The following NEK4 variants were observed in gnomAD, a reference collection of about 807,000 sequenced individuals.
NEK4 encodes the protein NIMA related kinase 4, also known as serine/threonine-protein kinase Nek4.
In NEK4, 86 loss-of-function variants were observed where a neutral mutation model predicts 98.4. That is an observed-to-expected ratio of 0.87 (90% CI 0.73 to 1.05). The LOEUF (loss-of-function observed/expected upper bound fraction) is 1.05. Among genes scored for constraint, NEK4 ranks in the 50% least tolerant of loss-of-function variants. The pLI, the probability that NEK4 is intolerant of heterozygous loss-of-function variation, is 0.00. For missense variants in NEK4, 898 were observed against 950.3 expected (o/e 0.94, Z 0.72); for synonymous variants, 328 against 342.2 (o/e 0.96, Z 0.46).
In NEK4 at chr3:52,711,671, A is replaced by G; in HGVS notation, c.*106T>C. 2 of 690,844 alleles carry G rather than the reference A, an allele frequency of 2.9e-6. No homozygotes were observed. The highest frequency in any genetic ancestry group is 5.1e-5 in the East Asian group (2 of 39,154). 42.8% of individuals were successfully genotyped at this position (690,844 alleles called of 1,614,324 possible). ...CGCCAAAGAGATATAAAAAAGAGAT[A>G]TAAAACAGTGGTGAGTGGCTTCCAA... On this transcript the variant is annotated 3_prime_UTR_variant, in exon 16 of 16. Coordinates refer to ENST00000233027, the MANE Select transcript of NEK4 (RefSeq NM_003157.6).
At position 52,770,679 on chromosome 3, in the gene NEK4, A is replaced by G; in HGVS notation, c.68T>C (p.Val23Ala). Residue 23 changes from valine (V) to alanine (A), a missense_variant, in exon 1 of 16, where the codon GTG becomes GCG. Physicochemically the swap from Val to Ala is moderately conservative, Grantham distance 64. Transcript: ENST00000233027. ...GKGSYGEVTL[V>A]KHRRDGKQYV... ...CTGCTTGCCGTCCCGCCGGTGCTTC[A>G]CAAGCGTCACCTCTCCATAGCTCCC... The G allele has an allele frequency of 6.4e-7, 1 of 1,569,138 alleles. No homozygotes were observed. Among genetic ancestry groups the G allele is most frequent in the Non-Finnish European group, 8.6e-7 (1 of 1,158,480 alleles).
intron 15 of NEK4, among the ~76,000 whole-genome samples, chr3:52,727,555 G>C (rs893530030): frequency 1.3e-5 from 2 of 151,990 alleles, no homozygotes; most frequent in African/African-American, 4.8e-5. Flanking sequence ...GGCTCACTCC[G>C]ACCTCCACCT....
intron 15 of NEK4, among the ~76,000 whole-genome samples, chr3:52,718,290 T>C (rs1457804806): frequency 2.6e-5 from 4 of 151,102 alleles, no homozygotes; most frequent in Non-Finnish European, 3.0e-5. Flanking sequence ...CTGGCCAACA[T>C]GGTGAAACAC....
intron 2 of NEK4, among the ~76,000 whole-genome samples, chr3:52,768,105 G>A (rs1191576426): frequency 1.3e-5 from 2 of 152,210 alleles, no homozygotes; most frequent in African/African-American, 4.8e-5. Flanking sequence ...AATGGTAATT[G>A]AGTGGGCTTC....
At chr3:52,740,213 A>C (rs2097383293) in intron 13 of NEK4, among the ~76,000 whole-genome samples, 1 of 152,216 alleles carries the variant, frequency 6.6e-6, no homozygotes, top group African/African-American at 2.4e-5. Context: ...GAAGAGAAAG[A>C]AATCAGTTAA....
chr3:52,726,369 C>T (rs1003693919), intron 15 of NEK4, among the ~76,000 whole-genome samples: 2 of 152,050 alleles, frequency 1.3e-5, no homozygotes, highest in Non-Finnish European at 2.9e-5. Flanking sequence ...GAGGCTGAGG[C>T]AGGTGAATCA....
At chr3:52,716,353 G>T (rs887870931) in intron 15 of NEK4, among the ~76,000 whole-genome samples, 14 of 152,160 alleles carry the variant, frequency 9.2e-5, no homozygotes, top group African/African-American at 3.4e-4. Flanking sequence ...AATTATAAAG[G>T]AGTCACTCAT....
At position 52,770,909 on chromosome 3, in the gene NEK4, C is replaced by A. The variant is rs1477322983; in HGVS notation, c.-163G>T. 3 of 622,116 alleles carry A rather than the reference C, an allele frequency of 4.8e-6. No individual in the cohort carries two copies. Among genetic ancestry groups the A allele is most frequent in the Non-Finnish European group, 8.4e-6 (3 of 356,768 alleles). The allele number at this position is 622,116 out of a possible 1,614,324, so 38.5% of individuals were successfully genotyped here. A position where few individuals can be genotyped will look rare whatever the true frequency, so the allele number is the denominator to read the frequency against. ...TGGGGCCCGGCCCGCGACGACGCCG[C>A]TGCCATAGCGATCCGGGCCGGGAGC... On this transcript the variant is annotated 5_prime_UTR_variant, in exon 1 of 16. Transcript: ENST00000233027.
intron 4 of NEK4, among the ~76,000 whole-genome samples, chr3:52,765,328 G>A (rs1293715109): frequency 6.9e-6 from 1 of 145,052 alleles, no homozygotes; most frequent in Non-Finnish European, 1.5e-5. Flanking sequence ...TCCAGCCTGG[G>A]AGACAAGAGC....
chr3:52,711,668 G>GAT lies in NEK4; in HGVS notation c.*107_*108dup, dbSNP rs2097350518. ...AAACGCCAAAGAGATATAAAAAAGA[G>GAT]ATATAAAACAGTGGTGAGTGGCTTC... On this transcript the variant is annotated 3_prime_UTR_variant, in exon 16 of 16. Coordinates refer to ENST00000233027, the MANE Select transcript of NEK4 (RefSeq NM_003157.6). 4 of 674,744 alleles carry GAT rather than the reference G, an allele frequency of 5.9e-6. No individual in the cohort carries two copies. Among genetic ancestry groups the GAT allele is most frequent in the Admixed American group, 2.5e-5 (1 of 40,658 alleles). The allele number at this position is 674,744 out of a possible 1,614,324, so 41.8% of individuals were successfully genotyped here.
intron 13 of NEK4, among the ~76,000 whole-genome samples, chr3:52,741,116 G>C (rs183267927): frequency 1.3e-5 from 2 of 151,652 alleles, no homozygotes; most frequent in Non-Finnish European, 2.9e-5. Context: ...GACGCCTGTG[G>C]TCCCAGCTAC....
intron 15 of NEK4, among the ~76,000 whole-genome samples, chr3:52,734,456 A>G (rs1244688850): frequency 6.6e-6 from 1 of 150,402 alleles, no homozygotes; most frequent in African/African-American, 2.4e-5. Flanking sequence ...CCAACTCAAA[A>G]AAAAAAAAAA....
chr3:52,770,589 C>A (rs1698741465), intron 1 of NEK4, 65 bp downstream of exon 1: 8 of 1,293,486 alleles, frequency 6.2e-6, no homozygotes, highest in Admixed American at 4.0e-5. Context: ...ACCTAATCTA[C>A]CGGTCGGCGC....
intron 15 of NEK4, among the ~76,000 whole-genome samples, chr3:52,712,814 C>T (rs80018738): frequency 0.011 from 1,637 of 152,274 alleles, 29 homozygotes; most frequent in African/African-American, 0.038. Flanking sequence ...CCCTCGATGT[C>T]CTCTCAATGT....
intron 15 of NEK4, among the ~76,000 whole-genome samples, chr3:52,718,472 C>CAA (rs35974184): frequency 6.5e-5 from 6 of 92,400 alleles, no homozygotes; most frequent in South Asian, 8.2e-4. Context: ...GACTCCGTCT[C>CAA]AAAAAAAAAA....
intron 13 of NEK4, among the ~76,000 whole-genome samples, chr3:52,740,830 G>C (rs1234202876): frequency 1.3e-5 from 2 of 151,500 alleles, no homozygotes; most frequent in African/African-American, 4.8e-5. Context: ...TTTTTAAAAA[G>C]TAAAAATAAA....
At chr3:52,739,684 T>C (rs1440835693) in intron 13 of NEK4, 50 bp from the exon 14 acceptor site, 1 of 1,516,974 alleles carries the variant, frequency 6.6e-7, no homozygotes, top group Non-Finnish European at 9.1e-7. Context: ...CATGAGAATT[T>C]TTCATTAAAA....
intron 15 of NEK4, among the ~76,000 whole-genome samples, chr3:52,721,071 C>T (rs902180252): frequency 2.6e-5 from 4 of 152,160 alleles, no homozygotes; most frequent in South Asian, 2.1e-4. Flanking sequence ...AAACATCTGG[C>T]GGAAGTCTTA....
At chr3:52,742,427 C>T (rs1353707599) in intron 12 of NEK4, among the ~76,000 whole-genome samples, 3 of 152,054 alleles carry the variant, frequency 2.0e-5, no homozygotes, top group Non-Finnish European at 4.4e-5. Flanking sequence ...CCTAAAAATA[C>T]ACATAAACCT....
Sources: allele counts gnomAD v4.1 joint callset (sites outside exome capture counted in the v4.1 genomes callset), GRCh38; gene constraint gnomAD v4.1.1; transcripts MANE v1.5; gene names NCBI Gene and HGNC (gene_info 2026-07-23, HGNC 2026-07-21).